SHISA6: variants seen among roughly 807,000 people sequenced by gnomAD.
The protein encoded by SHISA6 is shisa family member 6.
In SHISA6, 22 loss-of-function variants were observed where a neutral mutation model predicts 47.9. The observed-to-expected ratio is 0.46, with a 90% confidence interval of 0.33 to 0.66. The LOEUF is 0.66. SHISA6 is among the 30% of genes least tolerant of loss of function. SHISA6 has a pLI of 0.02. For missense variants in SHISA6, 680 were observed against 764.6 expected (o/e 0.89, Z 1.30); for synonymous variants, 388 against 337.8 (o/e 1.15, Z -1.63).
At chr17:11,338,783 G>A (rs796254051) in intron 2 of SHISA6, among the ~76,000 whole-genome samples, 112 of 152,214 alleles carry the variant, frequency 7.4e-4, no homozygotes, top group African/African-American at 2.4e-3. Context: ...ACAGCTCAAG[G>A]TGACTTTGAA....
intron 2 of SHISA6, among the ~76,000 whole-genome samples, chr17:11,317,586 C>T (rs942160639): frequency 9.9e-5 from 15 of 151,808 alleles, no homozygotes; most frequent in African/African-American, 2.9e-4. Context: ...ATTTCACAAC[C>T]GCAGTTTAAA....
chr17:11,331,364 G>A (rs1332965456), intron 2 of SHISA6, among the ~76,000 whole-genome samples: 2 of 152,262 alleles, frequency 1.3e-5, no homozygotes, highest in Non-Finnish European at 2.9e-5. Flanking sequence ...AATGCTTAAT[G>A]TAAGTTCTCA....
intron 2 of SHISA6, among the ~76,000 whole-genome samples, chr17:11,265,990 A>G (rs760000911): frequency 5.9e-5 from 9 of 152,240 alleles, no homozygotes; most frequent in African/African-American, 7.2e-5. Flanking sequence ...AGATGGGAAT[A>G]GTATCCTGGC....
intron 2 of SHISA6, among the ~76,000 whole-genome samples, chr17:11,375,144 C>G (rs2142241027): frequency 6.6e-6 from 1 of 152,270 alleles, no homozygotes; most frequent in South Asian, 2.1e-4. Flanking sequence ...AATGCATAAT[C>G]TGGTACTTGA....
intron 3 of SHISA6, among the ~76,000 whole-genome samples, chr17:11,481,297 C>T (rs548604450): frequency 2.7e-5 from 4 of 149,602 alleles, no homozygotes; most frequent in Non-Finnish European, 4.4e-5. Flanking sequence ...TATATATATA[C>T]ACATATAACA....
At chr17:11,550,724 T>C (rs1279423371) in intron 3 of SHISA6, among the ~76,000 whole-genome samples, 1 of 152,174 alleles carries the variant, frequency 6.6e-6, no homozygotes, top group Non-Finnish European at 1.5e-5. Flanking sequence ...CAAGGGCATG[T>C]CCATAAGCAT....
intron 3 of SHISA6, among the ~76,000 whole-genome samples, chr17:11,458,068 T>C (rs1379850574): frequency 1.5e-5 from 2 of 131,706 alleles, no homozygotes; most frequent in East Asian, 4.3e-4. Flanking sequence ...CTGGATGACA[T>C]AGCGAGACTC....
intron 2 of SHISA6, among the ~76,000 whole-genome samples, chr17:11,299,361 G>C (rs1172948176): frequency 6.6e-6 from 1 of 151,670 alleles, no homozygotes; most frequent in African/African-American, 2.4e-5. Context: ...TACTATTTCT[G>C]GTGTTTTTTT....
At chr17:11,331,175 A>C (rs965319182) in intron 2 of SHISA6, among the ~76,000 whole-genome samples, 2 of 152,172 alleles carry the variant, frequency 1.3e-5, no homozygotes, top group Non-Finnish European at 1.5e-5. Context: ...TCCCAGTGGC[A>C]TCCAGAAGAA....
At chr17:11,473,408 T>C (rs886673463) in intron 3 of SHISA6, among the ~76,000 whole-genome samples, 2 of 152,166 alleles carry the variant, frequency 1.3e-5, no homozygotes, top group African/African-American at 4.8e-5. Flanking sequence ...CAATTCTGAC[T>C]CGAAGATGAC....
chr17:11,462,955 C>T (rs1004343183), intron 3 of SHISA6, among the ~76,000 whole-genome samples: 12 of 152,168 alleles, frequency 7.9e-5, no homozygotes, highest in African/African-American at 1.2e-4. Flanking sequence ...AACGAAGAAG[C>T]GTACAAATGC....
At chr17:11,436,681 GTAGACACTGAGAAA>G (rs1213433367) in intron 3 of SHISA6, among the ~76,000 whole-genome samples, 2 of 152,224 alleles carry the variant, frequency 1.3e-5, no homozygotes. Context: ...GCTGATCACA[GTAGACACTGAGAAA>G]TAGTTGTTGA....
chr17:11,385,094 G>T (rs888320615), intron 3 of SHISA6, among the ~76,000 whole-genome samples: 1 of 152,192 alleles, frequency 6.6e-6, no homozygotes, highest in Admixed American at 6.5e-5. Context: ...AGGTCCAATG[G>T]AGTTAGGAGC....
intron 3 of SHISA6, among the ~76,000 whole-genome samples, chr17:11,446,579 A>G (rs544314224): frequency 1.5e-3 from 228 of 152,248 alleles, no homozygotes; most frequent in Non-Finnish European, 2.6e-3. Flanking sequence ...TATTGAGTGA[A>G]AAGAAATTGC....
chr17:11,282,114 C>T (rs1909139441), intron 2 of SHISA6, among the ~76,000 whole-genome samples: 2 of 152,196 alleles, frequency 1.3e-5, no homozygotes, highest in Non-Finnish European at 2.9e-5. Flanking sequence ...CTTCCTCACT[C>T]TCAATGCCTT....
intron 3 of SHISA6, among the ~76,000 whole-genome samples, chr17:11,395,483 T>A (rs1048893262): frequency 6.6e-6 from 1 of 151,744 alleles, no homozygotes; most frequent in Non-Finnish European, 1.5e-5. Context: ...AGGTATGCTA[T>A]CATATTATAT....
intron 1 of SHISA6, among the ~76,000 whole-genome samples, chr17:11,248,045 A>T (rs1285494289): frequency 6.6e-6 from 1 of 152,092 alleles, no homozygotes; most frequent in Non-Finnish European, 1.5e-5. Flanking sequence ...AAGTGCTGGG[A>T]TTACAGGTGT....
intron 2 of SHISA6, among the ~76,000 whole-genome samples, chr17:11,320,564 A>G (rs1910679967): frequency 6.6e-6 from 1 of 152,142 alleles, no homozygotes; most frequent in Non-Finnish European, 1.5e-5. Context: ...AGGCTGTGGC[A>G]GGAGAATCAT....
chr17:11,500,626 C>G (rs954712819), intron 3 of SHISA6, among the ~76,000 whole-genome samples: 6 of 152,194 alleles, frequency 3.9e-5, no homozygotes, highest in Non-Finnish European at 7.3e-5. Context: ...ATAGAGAAAG[C>G]AATCTCCGCT....
Sources: allele counts gnomAD v4.1 joint callset (sites outside exome capture counted in the v4.1 genomes callset), GRCh38; gene constraint gnomAD v4.1.1; transcripts MANE v1.5; gene names NCBI Gene and HGNC (gene_info 2026-07-23, HGNC 2026-07-21).